The following HBS1L variants were observed in gnomAD, a reference collection of about 807,000 sequenced individuals.
HBS1L encodes HBS1 like translational GTPase.
Under a neutral mutation model 88.9 loss-of-function variants are expected in HBS1L, and 55 were observed. The ratio of observed to expected loss-of-function variants is 0.62; its 90% CI spans 0.50 to 0.77. The LOEUF (loss-of-function observed/expected upper bound fraction) is 0.77, where lower values mean the gene tolerates loss of function less well. Among genes scored for constraint, HBS1L ranks in the 30% least tolerant of loss-of-function variants. The probability of loss-of-function intolerance (pLI) is 0.00; values close to 1 mark genes in which losing one functional copy is unlikely to be tolerated. For missense variants in HBS1L, 741 were observed against 829.3 expected, an observed-to-expected ratio of 0.89 and a Z score of 1.31; for synonymous variants, 267 against 288.5, an observed-to-expected ratio of 0.93 and a Z score of 0.76.
chr6:134,985,452 T>G (rs1026749893), intron 11 of HBS1L, 43 bp from the exon 12 acceptor site: 9 of 1,309,946 alleles, frequency 6.9e-6, no homozygotes, highest in Non-Finnish European at 9.7e-6. Flanking sequence ...AATTTAAAAT[T>G]AAATTTTTGA....
At chr6:135,014,770 A>G (rs1775869721) in intron 4 of HBS1L, among the ~76,000 whole-genome samples, 1 of 145,092 alleles carries the variant, frequency 6.9e-6, no homozygotes, top group Admixed American at 7.4e-5. Flanking sequence ...TAATCCCATC[A>G]CCTTGGGAGA....
intron 4 of HBS1L, among the ~76,000 whole-genome samples, chr6:135,039,071 G>A (rs1198378203): frequency 1.3e-5 from 2 of 152,154 alleles, no homozygotes; most frequent in Non-Finnish European, 2.9e-5. Context: ...CAAGAACTTT[G>A]GGAGGCCAAG....
In HBS1L at chr6:135,054,634, G is replaced by A. The variant is rs1777190586; in HGVS notation, c.43+15C>T. The A allele has an allele frequency of 6.2e-7, 1 of 1,614,064 alleles. No homozygotes were observed. Among genetic ancestry groups the A allele is most frequent in the Admixed American group, 1.7e-5 (1 of 60,012 alleles). ...AGCCGGGAAAAGAACGTCCCGGCAT[G>A]ACCCTGCCACCTACCTTCATCGTAG... On this transcript the variant is annotated intron_variant, in intron 1 of 17. Coordinates refer to ENST00000367837, the MANE Select transcript of HBS1L (RefSeq NM_006620.4).
intron 8 of HBS1L, among the ~76,000 whole-genome samples, chr6:134,990,608 C>T (rs576252819): frequency 6.6e-6 from 1 of 152,262 alleles, no homozygotes; most frequent in South Asian, 2.1e-4. Flanking sequence ...GGGTCTCACT[C>T]CCTTCCCTCA....
At position 135,009,091 on chromosome 6, in the gene HBS1L, C is replaced by T. The variant is rs534261174; in HGVS notation, c.431-6249G>A. 2.0e-5 allele frequency among the ~76,000 whole-genome samples: 3 copies of T among 152,282 alleles called. No individual in the cohort carries two copies. The East Asian group carries it at 5.8e-4, about 29-fold the overall frequency. On this transcript the variant is annotated intron_variant, in intron 4 of 17. Transcript: ENST00000367837. ...CAACATGGCACTCTCATATGCTCTT[C>T]AGCCAGGTGCTTTACATGGTCGTTT...
At chr6:134,978,870 G>C in intron 14 of HBS1L, 83 bp from the exon 15 acceptor site, 1 of 833,050 alleles carries the variant, frequency 1.2e-6, no homozygotes, top group Non-Finnish European at 2.0e-6. Context: ...CATTTACAAG[G>C]AAAGTAAAAC....
chr6:135,017,330 G>C (rs2114848133), intron 4 of HBS1L, among the ~76,000 whole-genome samples: 1 of 152,254 alleles, frequency 6.6e-6, no homozygotes, highest in East Asian at 1.9e-4. Context: ...AATAAAAACT[G>C]TTGCCTAGGG....
At chr6:135,042,826 C>CAA (rs1415600534) in intron 2 of HBS1L, among the ~76,000 whole-genome samples, 111 of 40,040 alleles carry the variant, frequency 2.8e-3, no homozygotes, top group African/African-American at 7.5e-3. Context: ...AAAAAAAAAA[C>CAA]AAAAAAAAAA....
At chr6:135,014,768 T>C (rs1775869551) in intron 4 of HBS1L, among the ~76,000 whole-genome samples, 1 of 139,740 alleles carries the variant, frequency 7.2e-6, no homozygotes, top group Admixed American at 7.9e-5. Context: ...TGTAATCCCA[T>C]CACCTTGGGA....
chr6:134,971,581 C>A (rs1774489107), intron 15 of HBS1L, among the ~76,000 whole-genome samples: 1 of 152,188 alleles, frequency 6.6e-6, no homozygotes, highest in South Asian at 2.1e-4. Flanking sequence ...GTCTTTTCAT[C>A]TCCTCAGTAT....
chr6:134,981,821 C>G (rs974559010), intron 13 of HBS1L, among the ~76,000 whole-genome samples: 1 of 151,630 alleles, frequency 6.6e-6, no homozygotes, highest in Non-Finnish European at 1.5e-5. Flanking sequence ...TATACATATA[C>G]ATAAATATAT....
In HBS1L at chr6:134,978,692, G is replaced by A; in HGVS notation, c.1784C>T (p.Thr595Ile). The change falls in exon 15 of 18, where the codon ACT (threonine) becomes ATT (isoleucine). Residue 595 changes from threonine (T) to isoleucine (I), a missense_variant. Transcript: ENST00000367837. The stretch of plus-strand genomic sequence containing the variant: ...TTTGGAACTTACAGGAAATCCTTTA[G>A]TGATAGGAATTTCAATATTAAAGAT... ...ILIFNIEIPITKGFPVLLHYQ... is the reference protein window; with the variant it reads ...ILIFNIEIPIIKGFPVLLHYQ... The A allele has an allele frequency of 6.4e-7, 1 of 1,572,132 alleles. No individual in the cohort carries two copies. Among genetic ancestry groups the A allele is most frequent in the South Asian group, 1.1e-5 (1 of 87,884 alleles).
At chr6:135,037,080 T>C in intron 4 of HBS1L, 2 of 1,551,688 alleles carry the variant, frequency 1.3e-6, no homozygotes, top group Middle Eastern at 1.7e-4. Flanking sequence ...CAATTGTTTC[T>C]GCAATCAATT....
intron 15 of HBS1L, among the ~76,000 whole-genome samples, chr6:134,969,807 G>A (rs1438021364): frequency 6.6e-6 from 1 of 152,102 alleles, no homozygotes; most frequent in Non-Finnish European, 1.5e-5. Context: ...TTATAGCGTT[G>A]TGATGAAAAT....
chr6:135,008,665 C>T (rs1273533069), intron 4 of HBS1L, among the ~76,000 whole-genome samples: 1 of 152,014 alleles, frequency 6.6e-6, no homozygotes, highest in African/African-American at 2.4e-5. Flanking sequence ...GTGAAGGATG[C>T]AAAGGTAGAT....
chr6:134,972,807 A>C (rs1022251898), intron 15 of HBS1L, among the ~76,000 whole-genome samples: 1 of 152,254 alleles, frequency 6.6e-6, no homozygotes, highest in Non-Finnish European at 1.5e-5. Context: ...CAATAAGCAC[A>C]TGAAAAGATG....
At chr6:135,009,207 TACAACTGTGGCCTGTG>T in intron 4 of HBS1L, among the ~76,000 whole-genome samples, 1 of 152,310 alleles carries the variant, frequency 6.6e-6, no homozygotes, top group African/African-American at 2.4e-5. Context: ...CCAGAGGCCA[TACAACTGTGGCCTGTG>T]ACATAGCTAA....
At chr6:135,044,554 G>A (rs1776850766) in intron 2 of HBS1L, among the ~76,000 whole-genome samples, 2 of 152,150 alleles carry the variant, frequency 1.3e-5, no homozygotes, top group African/African-American at 4.8e-5. Context: ...TTAGAGATGT[G>A]TCTTTCAATC....
intron 4 of HBS1L, among the ~76,000 whole-genome samples, chr6:135,033,159 T>C (rs954472434): frequency 2.6e-5 from 4 of 152,292 alleles, no homozygotes; most frequent in African/African-American, 7.2e-5. Context: ...ATAATTACAA[T>C]ATTATTTCTA....
Sources: gnomAD v4.1 joint callset for allele counts (sites outside exome capture counted in the v4.1 genomes callset) on GRCh38, gnomAD v4.1.1 for gene constraint, MANE v1.5 for transcripts, NCBI Gene and HGNC (gene_info 2026-07-23, HGNC 2026-07-21) for gene names.